Variants in EYS observed in about 807,000 individuals in gnomAD.
EYS encodes the protein EGF-like photoreceptor maintenance factor.
In EYS, 250 loss-of-function variants were observed where a neutral mutation model predicts 282.1. The ratio of observed to expected loss-of-function variants is 0.89; its 90% CI spans 0.80 to 0.98. The LOEUF (loss-of-function observed/expected upper bound fraction) is 0.98. Among genes scored for constraint, EYS ranks in the 50% least tolerant of loss-of-function variants. The pLI is 0.00. For missense variants in EYS, 4,016 were observed against 3,709.0 expected (o/e 1.08, Z -2.15); for synonymous variants, 1,355 against 1,282.9 (o/e 1.06, Z -1.20).
intron 29 of EYS, among the ~76,000 whole-genome samples, chr6:64,348,722 A>G (rs1771507695): frequency 6.6e-6 from 1 of 151,426 alleles, no homozygotes; most frequent in African/African-American, 2.4e-5. Flanking sequence ...TATTTTAGAA[A>G]ATGAGGTATT....
Position 64,222,936 on chromosome 6 carries a change from T to A in EYS, c.6424+7656A>T, listed in dbSNP as rs1032958215. Among the ~76,000 whole-genome samples the A allele has an allele frequency of 5.3e-5, 8 of 151,848 alleles. No individual in the cohort carries two copies. The East Asian group carries it at 1.5e-3, about 29-fold the overall frequency. On this transcript the variant is annotated intron_variant, in intron 31 of 42. Coordinates refer to ENST00000503581, the MANE Select transcript of EYS (RefSeq NM_001142800.2). ...CCAAGAAAATTATCGGTACTTACAG[T>A]TTTCCTTTTAAAAAAAACTCATAAA...
chr6:65,474,071 T>C (rs1765313810), intron 5 of EYS, among the ~76,000 whole-genome samples: 1 of 152,016 alleles, frequency 6.6e-6, no homozygotes, highest in African/African-American at 2.4e-5. Context: ...AGAAAGACTA[T>C]CAAGTAGGTG....
chr6:64,811,009 C>T (rs889721899), intron 22 of EYS, among the ~76,000 whole-genome samples: 14 of 152,054 alleles, frequency 9.2e-5, no homozygotes, highest in African/African-American at 3.4e-4. Context: ...CTTTAAATAT[C>T]AAATAATAAT....
In EYS at chr6:65,510,900, G is replaced by A. The variant is rs116366665; in HGVS notation, c.-332-14907C>T. Among the ~76,000 whole-genome samples the A allele has an allele frequency of 4.2e-3, 636 of 152,182 alleles. 7 individuals are homozygous for A. The highest frequency in any genetic ancestry group is 0.014 in the African/African-American group (594 of 41,514). On this transcript the variant is annotated intron_variant, in intron 2 of 42. Transcript: ENST00000503581. ...TAAATATGGTGCAATGTTTGATGAC[G>A]CACATAATATTCTCTGTCTGCCTCT...
rs74636274 is a variant in EYS, at chr6:63,778,108, T to C, written c.7796A>G (p.His2599Arg). 12,402 of 1,551,784 alleles carry C rather than the reference T, an allele frequency of 8.0e-3. 68 individuals are homozygous for C. Among genetic ancestry groups the C allele is most frequent in the Non-Finnish European group, 9.5e-3 (10,861 of 1,146,966 alleles). ...HFRGLGNPEG[H>R]PNAGRSVGQC... The stretch of plus-strand genomic sequence containing the variant: ...GCCAACACTGCGTCCAGCATTTGGG[T>C]GGCCCTCAGGATTTCCCAGTCCTCT... The change falls in exon 40 of 43, where the codon CAC becomes CGC. Residue 2599 changes from histidine to arginine, a missense_variant. Transcript: ENST00000503581.
intron 28 of EYS, among the ~76,000 whole-genome samples, chr6:64,426,893 A>G (rs915452767): frequency 1.3e-5 from 2 of 152,150 alleles, no homozygotes; most frequent in African/African-American, 4.8e-5. Context: ...CAGAATCACT[A>G]TTTCTAGTTA....
At chr6:65,563,037 AAT>A (rs1769125882) in intron 2 of EYS, among the ~76,000 whole-genome samples, 1 of 152,102 alleles carries the variant, frequency 6.6e-6, no homozygotes, top group Non-Finnish European at 1.5e-5. Context: ...GAATTCATAC[AAT>A]GTTAGTTCTA....
At chr6:65,152,443 G>T (rs1048980851) in intron 12 of EYS, among the ~76,000 whole-genome samples, 1 of 151,772 alleles carries the variant, frequency 6.6e-6, no homozygotes, top group Non-Finnish European at 1.5e-5. Context: ...TAATCCAATT[G>T]GTCTTTATAA....
At chr6:65,485,110 A>C (rs1765741527) in intron 5 of EYS, among the ~76,000 whole-genome samples, 1 of 152,208 alleles carries the variant, frequency 6.6e-6, no homozygotes, top group Non-Finnish European at 1.5e-5. Context: ...TTACTTTTTA[A>C]TAAAACTATG....
chr6:63,814,629 A>G (rs1425791543), intron 36 of EYS, among the ~76,000 whole-genome samples: 1 of 152,236 alleles, frequency 6.6e-6, no homozygotes, highest in African/African-American at 2.4e-5. Flanking sequence ...ACATGCTAGA[A>G]TCTGAAGCAT....
intron 12 of EYS, among the ~76,000 whole-genome samples, chr6:65,290,403 A>AT (rs548150962): frequency 1.3e-5 from 2 of 151,094 alleles, no homozygotes; most frequent in Non-Finnish European, 3.0e-5. Flanking sequence ...TTATGACTAT[A>AT]TTTTTTTCTC....
intron 24 of EYS, among the ~76,000 whole-genome samples, chr6:64,601,289 T>C (rs1310370591): frequency 3.9e-5 from 6 of 152,120 alleles, no homozygotes; most frequent in Non-Finnish European, 7.4e-5. Flanking sequence ...AATACATTTT[T>C]ATATAACCAA....
intron 2 of EYS, among the ~76,000 whole-genome samples, chr6:65,515,393 G>T (rs1347854300): frequency 6.6e-6 from 1 of 152,124 alleles, no homozygotes; most frequent in Non-Finnish European, 1.5e-5. Flanking sequence ...TGATACCTCA[G>T]GGATCTAGAA....
chr6:64,091,430 T>C (rs1486289899), intron 31 of EYS, among the ~76,000 whole-genome samples: 1 of 152,196 alleles, frequency 6.6e-6, no homozygotes, highest in Non-Finnish European at 1.5e-5. Flanking sequence ...GCTGCTGTGA[T>C]GCTTTAATTA....
intron 22 of EYS, among the ~76,000 whole-genome samples, chr6:64,736,321 C>A (rs2149956739): frequency 6.6e-6 from 1 of 152,026 alleles, no homozygotes; most frequent in Non-Finnish European, 1.5e-5. Context: ...AAATAAAATT[C>A]TATTTTTGAG....
intron 26 of EYS, among the ~76,000 whole-genome samples, chr6:64,468,136 C>T (rs1296680060): frequency 1.3e-5 from 2 of 152,162 alleles, no homozygotes; most frequent in Non-Finnish European, 2.9e-5. Flanking sequence ...AAGATCAGCA[C>T]ATCCAGCTTG....
At chr6:64,256,287 A>C (rs1767398543) in intron 30 of EYS, among the ~76,000 whole-genome samples, 2 of 152,064 alleles carry the variant, frequency 1.3e-5, no homozygotes, top group Non-Finnish European at 2.9e-5. Flanking sequence ...CATGGTAGTC[A>C]AATGCAAACA....
chr6:65,182,390 T>C (rs941853998), intron 12 of EYS, among the ~76,000 whole-genome samples: 4 of 151,514 alleles, frequency 2.6e-5, no homozygotes, highest in African/African-American at 7.3e-5. Context: ...AAAAGTTTTG[T>C]TTTTTTAATT....
intron 19 of EYS, among the ~76,000 whole-genome samples, chr6:64,852,491 A>T (rs1765916598): frequency 6.6e-6 from 1 of 152,096 alleles, no homozygotes; most frequent in Non-Finnish European, 1.5e-5. Flanking sequence ...CTATTGTGGG[A>T]CATTGTGATC....
Sources: gnomAD v4.1 joint callset for allele counts (sites outside exome capture counted in the v4.1 genomes callset) on GRCh38, gnomAD v4.1.1 for gene constraint, MANE v1.5 for transcripts, NCBI Gene and HGNC (gene_info 2026-07-23, HGNC 2026-07-21) for gene names.